PCDHA6: variants seen among roughly 807,000 people sequenced by gnomAD.
PCDHA6 encodes the protein protocadherin alpha-6.
In PCDHA6, 55 loss-of-function variants were observed where a neutral mutation model predicts 60.3. The ratio of observed to expected loss-of-function variants is 0.91; its 90% confidence interval spans 0.73 to 1.14. The LOEUF (loss-of-function observed/expected upper bound fraction) is 1.14. PCDHA6 is among the 50% of genes most tolerant of loss of function. The probability of loss-of-function intolerance (pLI) is 0.00; values close to 1 mark genes in which losing one functional copy is unlikely to be tolerated. For synonymous variants in PCDHA6, 652 were observed against 557.9 expected (o/e 1.17, Z -2.38); for missense variants, 1,327 against 1,256.5 (o/e 1.06, Z -0.85).
intron 1 of PCDHA6, chr5:140,842,447 G>C (rs200777298): frequency 6.2e-7 from 1 of 1,613,790 alleles, no homozygotes; most frequent in Non-Finnish European, 8.5e-7. Context: ...TAGCGTGAAC[G>C]ACCTCGATTC....
intron 3 of PCDHA6, among the ~76,000 whole-genome samples, chr5:140,996,177 C>T (rs1214472705): frequency 6.6e-6 from 1 of 152,226 alleles, no homozygotes; most frequent in Non-Finnish European, 1.5e-5. Flanking sequence ...GCTGACAGCA[C>T]CTCCATTTTA....
intron 1 of PCDHA6, chr5:140,853,410 G>A (rs1291135105): frequency 1.0e-6 from 1 of 986,108 alleles, no homozygotes; most frequent in African/African-American, 1.8e-5. Context: ...AAACAGAGAG[G>A]TGAAAGCAGA....
intron 1 of PCDHA6, chr5:140,843,131 A>C: frequency 6.3e-7 from 1 of 1,596,044 alleles, no homozygotes; most frequent in South Asian, 1.1e-5. Flanking sequence ...CTCGGGCTAC[A>C]ACGCGTGGCT....
At chr5:140,928,097 C>T (rs2084934742) in intron 1 of PCDHA6, 2 of 1,614,054 alleles carry the variant, frequency 1.2e-6, no homozygotes, top group African/African-American at 2.7e-5. Flanking sequence ...ATTGATGGGC[C>T]CCTGGACCGG....
intron 1 of PCDHA6, among the ~76,000 whole-genome samples, chr5:140,965,730 C>T (rs1554227819): frequency 6.6e-6 from 1 of 152,166 alleles, no homozygotes; most frequent in East Asian, 1.9e-4. Flanking sequence ...AAAAATTTTA[C>T]CAGATTTTCC....
At chr5:141,009,166 T>C (rs949376056) in intron 3 of PCDHA6, among the ~76,000 whole-genome samples, 98 of 152,230 alleles carry the variant, frequency 6.4e-4, no homozygotes, top group African/African-American at 2.2e-3. Context: ...CTGTAAATAC[T>C]GGCCTTGGCT....
rs565339027 is a variant in PCDHA6, at chr5:141,010,492, C to G, written c.*555C>G. ...AGGGGAAGTGTAAACTTAAAGGGAC[C>G]AGACTTTCTAAATCTTACAACTCAA... On this transcript the variant is annotated 3_prime_UTR_variant, in exon 4 of 4. Transcript: ENST00000529310. 28 of 628,626 alleles carry G rather than the reference C, an allele frequency of 4.5e-5. No homozygotes were observed. Among genetic ancestry groups the G allele is most frequent in the Admixed American group, 1.7e-4 (5 of 29,282 alleles). 38.9% of individuals were successfully genotyped at this position (628,626 alleles called of 1,614,324 possible).
intron 3 of PCDHA6, among the ~76,000 whole-genome samples, chr5:140,987,604 T>G (rs2097261353): frequency 6.6e-6 from 1 of 152,222 alleles, no homozygotes; most frequent in Admixed American, 6.5e-5. Context: ...GTCTACCTTA[T>G]AGGGTTCTTG....
intron 1 of PCDHA6, chr5:140,883,208 A>G: frequency 6.2e-7 from 1 of 1,614,034 alleles, no homozygotes; most frequent in Non-Finnish European, 8.5e-7. Flanking sequence ...CGAAGAAAAG[A>G]AATTATATGA....
intron 1 of PCDHA6, chr5:140,869,887 C>A: frequency 1.9e-6 from 3 of 1,610,174 alleles, no homozygotes; most frequent in Non-Finnish European, 2.5e-6. Context: ...AACTCTTGTG[C>A]TCAAACTAAA....
Position 140,848,404 on chromosome 5 carries a change from G to T in PCDHA6, c.2394+17919G>T, listed in dbSNP as rs2150409981. The stretch of plus-strand genomic sequence containing the variant: ...TTCACTCTCTCTGTGCTGAACGATG[G>T]CGAACACAGCAGAATGGGACTGACG... On this transcript the variant is annotated intron_variant, in intron 1 of 3. Coordinates refer to ENST00000529310, the MANE Select transcript of PCDHA6 (RefSeq NM_018909.4). 7 of 1,324,350 alleles carry T rather than the reference G, an allele frequency of 5.3e-6. 2 individuals are homozygous for T. In the Admixed American group the frequency reaches 1.3e-4, roughly 24 times the overall value. 82.0% of individuals were successfully genotyped at this position (1,324,350 alleles called of 1,614,324 possible).
At position 140,953,007 on chromosome 5, in the gene PCDHA6, T is replaced by C. The variant is rs186896706; in HGVS notation, c.2395-25942T>C. ...TCTCATGAGAACTCTCTCACTATTA[T>C]GAGAACAACATTAAGGGGGAAATCC... On this transcript the variant is annotated intron_variant, in intron 1 of 3. Transcript: ENST00000529310. 5.5e-4 allele frequency among the ~76,000 whole-genome samples: 84 copies of C among 152,242 alleles called. 1 individual carries two copies. In the East Asian group the frequency reaches 0.015, roughly 27 times the overall value.
chr5:140,981,981 A>G (rs2096960839), intron 2 of PCDHA6, among the ~76,000 whole-genome samples: 1 of 152,208 alleles, frequency 6.6e-6, no homozygotes, highest in Non-Finnish European at 1.5e-5. Flanking sequence ...GAAAGAGTAA[A>G]ATAGAAAATA....
intron 1 of PCDHA6, chr5:140,869,908 CGAGACGAAG>C: frequency 6.2e-7 from 1 of 1,610,646 alleles, no homozygotes; most frequent in Non-Finnish European, 8.5e-7. Context: ...CGCCACAGAC[CGAGACGAAG>C]GAGTCAATGG....
In PCDHA6 at chr5:140,828,891, C is replaced by G. The variant is rs189039710; in HGVS notation, c.800C>G (p.Ser267Cys). 11 of 1,614,240 alleles carry G rather than the reference C, an allele frequency of 6.8e-6. No individual in the cohort carries two copies. Among genetic ancestry groups the G allele is most frequent in the Middle Eastern group, 3.3e-4 (2 of 6,062 alleles). Reference protein sequence around the residue: ...NGTTVIRLNASDRDEGANGAI... With the variant: ...NGTTVIRLNACDRDEGANGAI... ...ACAACAGTTATCAGACTGAATGCTT[C>G]TGATCGGGATGAAGGAGCGAATGGG... Residue 267 changes from serine (S) to cysteine (C), a missense_variant, in exon 1 of 4, where the codon TCT becomes TGT. Physicochemically the swap from Ser to Cys is moderately radical, Grantham distance 112. Coordinates refer to ENST00000529310, the MANE Select transcript of PCDHA6 (RefSeq NM_018909.4).
rs573889445 is a variant in PCDHA6 at position 140,855,681 on chromosome 5, A to G, written c.2394+25196A>G. ...AGAAATCACTACTCTGAGAGTCTAC[A>G]TTTAAGAAAACATTGCACGTGGGAT... On this transcript the variant is annotated intron_variant, in intron 1 of 3. Coordinates refer to ENST00000529310, the MANE Select transcript of PCDHA6 (RefSeq NM_018909.4). Among the ~76,000 whole-genome samples the G allele has an allele frequency of 1.4e-4, 21 of 149,936 alleles. 1 individual carries two copies. The highest frequency in any genetic ancestry group is 5.1e-4 in the African/African-American group (21 of 40,902).
At chr5:140,841,345 G>A in intron 1 of PCDHA6, 2 of 1,612,666 alleles carry the variant, frequency 1.2e-6, no homozygotes, top group East Asian at 2.2e-5. Flanking sequence ...GGCGAGGAGA[G>A]CTGGGATCCT....
At chr5:140,851,713 T>C in intron 1 of PCDHA6, 1 of 961,328 alleles carries the variant, frequency 1.0e-6, no homozygotes, top group Non-Finnish European at 1.3e-6. Context: ...ATGTGAAGAT[T>C]CGAAACTTCG....
intron 1 of PCDHA6, chr5:140,882,543 G>A: frequency 6.2e-7 from 1 of 1,614,236 alleles, no homozygotes; most frequent in Non-Finnish European, 8.5e-7. Context: ...CGGATCGACC[G>A]CGAGGAGCTG....
Sources: gnomAD v4.1 joint callset for allele counts (sites outside exome capture counted in the v4.1 genomes callset) on GRCh38, gnomAD v4.1.1 for gene constraint, MANE v1.5 for transcripts, NCBI Gene and HGNC (gene_info 2026-07-23, HGNC 2026-07-21) for gene names.